Variants in SGCZ observed in about 807,000 individuals in gnomAD.
The protein encoded by SGCZ is sarcoglycan zeta, also known as zeta-sarcoglycan.
Under a neutral mutation model 41.3 loss-of-function variants are expected in SGCZ, and 40 were observed. That is an observed-to-expected ratio of 0.97 (90% confidence interval 0.75 to 1.26). The LOEUF is 1.26. SGCZ is among the 50% of genes most tolerant of loss of function. SGCZ has a pLI of 0.00. For synonymous variants in SGCZ, 206 were observed against 137.5 expected, an observed-to-expected ratio of 1.50 and a Z score of -3.49; for missense variants, 552 against 369.8, an observed-to-expected ratio of 1.49 and a Z score of -4.04.
intron 1 of SGCZ, among the ~76,000 whole-genome samples, chr8:14,658,092 T>C (rs1360729701): frequency 6.6e-6 from 1 of 152,174 alleles, no homozygotes; most frequent in Admixed American, 6.5e-5. Flanking sequence ...TCCATCTTCA[T>C]GCGTGCAAAA....
At chr8:14,634,685 T>C (rs535010186) in intron 1 of SGCZ, among the ~76,000 whole-genome samples, 1 of 151,934 alleles carries the variant, frequency 6.6e-6, no homozygotes, top group Admixed American at 6.6e-5. Context: ...AAGAGGAACC[T>C]GACAAGAATG....
chr8:14,251,282 A>G (rs1799275827), intron 3 of SGCZ, among the ~76,000 whole-genome samples: 1 of 152,172 alleles, frequency 6.6e-6, no homozygotes, highest in Admixed American at 6.6e-5. Context: ...AAAGGCACTG[A>G]TATCTAACAT....
chr8:15,042,152 G>A (rs571963605), intron 1 of SGCZ, among the ~76,000 whole-genome samples: 2 of 152,110 alleles, frequency 1.3e-5, no homozygotes, highest in Non-Finnish European at 2.9e-5. Context: ...TCTGAGTTAG[G>A]ATGATGAGAA....
intron 2 of SGCZ, among the ~76,000 whole-genome samples, chr8:14,491,232 C>G (rs769511324): frequency 7.9e-5 from 12 of 152,020 alleles, no homozygotes; most frequent in Non-Finnish European, 1.3e-4. Context: ...GGCGATACAC[C>G]GAACAGACAC....
intron 1 of SGCZ, among the ~76,000 whole-genome samples, chr8:14,871,596 G>T (rs548025742): frequency 1.3e-5 from 2 of 152,068 alleles, no homozygotes; most frequent in South Asian, 2.1e-4. Flanking sequence ...ATGATGTCAA[G>T]AAATCGAGAC....
chr8:14,627,672 G>C lies in SGCZ; in HGVS notation c.40-72746C>G, dbSNP rs1336952767. On this transcript the variant is annotated intron_variant, in intron 1 of 7. Coordinates refer to ENST00000382080, the MANE Select transcript of SGCZ (RefSeq NM_139167.4). ...AATATTCTCATTTTAATTTCTGAAT[G>C]ATTGTCCTTGGATTAGGCGCATCAT... 2.6e-5 allele frequency among the ~76,000 whole-genome samples: 4 copies of C among 152,084 alleles called. No individual in the cohort carries two copies. The East Asian group carries it at 7.7e-4, about 29-fold the overall frequency.
intron 4 of SGCZ, among the ~76,000 whole-genome samples, chr8:14,196,907 C>T (rs1469157271): frequency 1.3e-5 from 2 of 151,996 alleles, no homozygotes; most frequent in Admixed American, 1.3e-4. Context: ...CCAGAAATGC[C>T]ATATTTATAT....
chr8:14,597,160 A>G (rs1270941689), intron 1 of SGCZ, among the ~76,000 whole-genome samples: 12 of 152,176 alleles, frequency 7.9e-5, no homozygotes. Flanking sequence ...TTTTAAATCA[A>G]AAAAGCTGCA....
chr8:14,090,728 G>A (rs1383864976), intron 7 of SGCZ, 91 bp from the exon 8 acceptor site: 5 of 1,126,556 alleles, frequency 4.4e-6, no homozygotes. Context: ...TAATAAGGAA[G>A]TCGACACAAC....
Position 15,138,390 on chromosome 8 carries a change from G to T in SGCZ, c.39+99195C>A, listed in dbSNP as rs527420721. On this transcript the variant is annotated intron_variant, in intron 1 of 7. Transcript: ENST00000382080. The stretch of plus-strand genomic sequence containing the variant: ...AGGGGACTGTTGGGAGGGCATGATT[G>T]TGATTTGAATTGTGACGACATGAGA... Among the ~76,000 whole-genome samples, 3 of 152,260 alleles carry T rather than the reference G, an allele frequency of 2.0e-5. No homozygotes were observed. In the South Asian group the frequency reaches 6.2e-4, roughly 32 times the overall value.
At chr8:14,358,491 A>G (rs1803375739) in intron 2 of SGCZ, among the ~76,000 whole-genome samples, 1 of 152,208 alleles carries the variant, frequency 6.6e-6, no homozygotes, top group African/African-American at 2.4e-5. Context: ...ACTATATAAA[A>G]TATGTTATAT....
chr8:14,793,669 T>C (rs1402219657), intron 1 of SGCZ, among the ~76,000 whole-genome samples: 1 of 152,130 alleles, frequency 6.6e-6, no homozygotes, highest in Non-Finnish European at 1.5e-5. Flanking sequence ...GTAAAGGGGA[T>C]TGCAAATGGG....
chr8:14,932,149 T>C (rs1051913709), intron 1 of SGCZ, among the ~76,000 whole-genome samples: 2 of 151,984 alleles, frequency 1.3e-5, no homozygotes, highest in Non-Finnish European at 1.5e-5. Context: ...GAAAATAACA[T>C]AGTACATAGT....
intron 1 of SGCZ, among the ~76,000 whole-genome samples, chr8:14,897,691 A>G (rs1484570137): frequency 6.6e-6 from 1 of 152,224 alleles, no homozygotes; most frequent in African/African-American, 2.4e-5. Flanking sequence ...GCATGATACT[A>G]AACTCTTTAC....
In SGCZ at chr8:14,335,962, T is replaced by A. The variant is rs372031748; in HGVS notation, c.235-11758A>T. ...TAGGTTCAGGGGTACATCTGCAGGT[T>A]TGTTATATAAACTCATGTCATAGGG... On this transcript the variant is annotated intron_variant, in intron 2 of 7. Coordinates refer to ENST00000382080, the MANE Select transcript of SGCZ (RefSeq NM_139167.4). Among the ~76,000 whole-genome samples, 11 of 152,286 alleles carry A rather than the reference T, an allele frequency of 7.2e-5. No individual in the cohort carries two copies. The East Asian group carries it at 2.1e-3, about 29-fold the overall frequency.
chr8:14,371,104 A>G (rs943882142), intron 2 of SGCZ, among the ~76,000 whole-genome samples: 5 of 151,994 alleles, frequency 3.3e-5, no homozygotes, highest in Non-Finnish European at 4.4e-5. Flanking sequence ...TTAAATATTC[A>G]CAAAATAGCA....
intron 1 of SGCZ, among the ~76,000 whole-genome samples, chr8:15,234,765 T>TA (rs1185341813): frequency 4.6e-5 from 7 of 152,096 alleles, no homozygotes; most frequent in East Asian, 3.9e-4. Context: ...CAGCAAAAAA[T>TA]AAAAAAATTG....
chr8:14,186,283 A>C (rs1804899119), intron 4 of SGCZ, among the ~76,000 whole-genome samples: 1 of 152,224 alleles, frequency 6.6e-6, no homozygotes, highest in South Asian at 2.1e-4. Flanking sequence ...TATTGAAGAA[A>C]ATTTTTTAAA....
At chr8:14,209,048 G>T (rs1585233698) in intron 4 of SGCZ, among the ~76,000 whole-genome samples, 1 of 152,184 alleles carries the variant, frequency 6.6e-6, no homozygotes, top group Non-Finnish European at 1.5e-5. Flanking sequence ...GACTTGGCAT[G>T]TTCAAAATGA....
Sources: allele counts gnomAD v4.1 joint callset (sites outside exome capture counted in the v4.1 genomes callset), GRCh38; gene constraint gnomAD v4.1.1; transcripts MANE v1.5; gene names NCBI Gene and HGNC (gene_info 2026-07-23, HGNC 2026-07-21).